Variants in PHF20L1 observed in about 807,000 individuals in gnomAD.
The protein encoded by PHF20L1 is PHD finger protein 20-like protein 1.
In PHF20L1, 44 loss-of-function variants were observed where a neutral mutation model predicts 125.5. The ratio of observed to expected loss-of-function variants is 0.35; its 90% CI spans 0.28 to 0.45. PHF20L1 has a LOEUF of 0.45. PHF20L1 is among the 20% of genes least tolerant of loss of function. The pLI is 1.00. For missense variants in PHF20L1, 1,012 were observed against 1,217.2 expected (o/e 0.83, Z 2.51); for synonymous variants, 380 against 403.1 (o/e 0.94, Z 0.69).
chr8:132,818,496 T>C (rs1240879876), intron 12 of PHF20L1: 1 of 151,928 alleles, frequency 6.6e-6, no homozygotes, highest in African/African-American at 2.4e-5. Context: ...AATAAAATGA[T>C]TGAAGTAACA....
intron 8 of PHF20L1, chr8:132,806,290 G>T (rs1833693773): frequency 6.6e-6 from 1 of 151,936 alleles, no homozygotes; most frequent in South Asian, 2.1e-4. Context: ...CAAAAACTCT[G>T]CTGAGCCCAC....
intron 4 of PHF20L1, among the ~76,000 whole-genome samples, chr8:132,797,108 G>A (rs1427937493): frequency 2.0e-5 from 3 of 151,844 alleles, no homozygotes; most frequent in East Asian, 1.9e-4. Context: ...GTGATCCCTG[G>A]CATTTCCAGA....
At chr8:132,784,663 G>A (rs754667012) in intron 2 of PHF20L1, among the ~76,000 whole-genome samples, 2 of 152,154 alleles carry the variant, frequency 1.3e-5, no homozygotes, top group African/African-American at 4.8e-5. Flanking sequence ...AAATATAGAG[G>A]TTTGAGCTAT....
chr8:132,823,990 C>T lies in PHF20L1; in HGVS notation c.1580-14C>T. The stretch of plus-strand genomic sequence containing the variant: ...TTTCTGATTAAACTTACATATTTTT[C>T]CCCTAACCCACAGGAATATCGAAAA... On this transcript the variant is annotated splice_polypyrimidine_tract_variant and intron_variant, in intron 12 of 20. Coordinates refer to ENST00000395386, the MANE Select transcript of PHF20L1 (RefSeq NM_016018.5). 1 of 1,531,332 alleles carries T rather than the reference C, an allele frequency of 6.5e-7. No homozygotes were observed. Among genetic ancestry groups the T allele is most frequent in the Non-Finnish European group, 9.0e-7 (1 of 1,115,492 alleles). The allele number at this position is 1,531,332 out of a possible 1,614,324, so 94.9% of individuals were successfully genotyped here.
intron 18 of PHF20L1, among the ~76,000 whole-genome samples, chr8:132,840,279 C>A (rs1230365433): frequency 6.6e-6 from 1 of 152,098 alleles, no homozygotes; most frequent in East Asian, 1.9e-4. Context: ...CCTTCCCTTC[C>A]CATCCTTGTG....
At chr8:132,831,085 C>A (rs979018143) in intron 14 of PHF20L1, among the ~76,000 whole-genome samples, 3 of 152,058 alleles carry the variant, frequency 2.0e-5, no homozygotes, top group Non-Finnish European at 2.9e-5. Flanking sequence ...ACTGTCCCCC[C>A]ACTTCTATGT....
rs529357897 is a variant in PHF20L1 at position 132,828,207 on chromosome 8, A to G, written c.1744+2836A>G. On this transcript the variant is annotated intron_variant, in intron 14 of 20. Transcript: ENST00000395386. ...TTTATTTACCACTCAACATTATTTT[A>G]TATATCCTGCTGGTACTTATGTACC... Among the ~76,000 whole-genome samples, 23 of 152,132 alleles carry G rather than the reference A, an allele frequency of 1.5e-4. No individual in the cohort carries two copies. In the South Asian group the frequency reaches 4.8e-3, roughly 32 times the overall value.
intron 14 of PHF20L1, chr8:132,826,544 G>A (rs1836201076): frequency 6.6e-6 from 1 of 152,010 alleles, no homozygotes; most frequent in African/African-American, 2.4e-5. Flanking sequence ...GAACAAAATG[G>A]TAAGCTAAAA....
In PHF20L1 at chr8:132,813,154, A is replaced by G. The variant is rs1031563405; in HGVS notation, c.931-1483A>G. The G allele has an allele frequency of 4.1e-6, 4 of 966,494 alleles. No individual in the cohort carries two copies. The Admixed American group carries it at 2.5e-4, about 60-fold the overall frequency. 59.9% of individuals were successfully genotyped at this position (966,494 alleles called of 1,614,324 possible). On this transcript the variant is annotated intron_variant, in intron 9 of 20. Transcript: ENST00000395386. ...TGGATGCTGTAGTGATGTCTTTCAC[A>G]TATGTGAAGATGAACAATAAAATTG...
intron 12 of PHF20L1, among the ~76,000 whole-genome samples, chr8:132,822,572 C>A (rs1436150783): frequency 6.6e-6 from 1 of 151,966 alleles, no homozygotes. Context: ...AAGGAAATTG[C>A]ATCAAATTTA....
intron 17 of PHF20L1, 51 bp downstream of exon 17, chr8:132,837,862 C>A (rs1300867076): frequency 1.6e-6 from 2 of 1,250,864 alleles, no homozygotes; most frequent in Non-Finnish European, 2.3e-6. Context: ...ATGTCTCCTC[C>A]AGGATTCCAG....
intron 8 of PHF20L1, chr8:132,807,162 A>G (rs1048367543): frequency 4.6e-5 from 7 of 152,744 alleles, no homozygotes; most frequent in African/African-American, 1.7e-4. Context: ...ATATACATAT[A>G]TCATATATGT....
chr8:132,827,018 C>T (rs1446520322), intron 14 of PHF20L1: 3 of 151,890 alleles, frequency 2.0e-5, no homozygotes, highest in Non-Finnish European at 2.9e-5. Context: ...TTCACATTCT[C>T]GAATTCTAAA....
At chr8:132,810,551 C>A (rs1304580572) in intron 8 of PHF20L1, 1 of 154,314 alleles carries the variant, frequency 6.5e-6, no homozygotes, top group East Asian at 1.9e-4. Context: ...CAACTGGACA[C>A]ACATAAAGCT....
chr8:132,789,181 T>G (rs748839270), intron 2 of PHF20L1, among the ~76,000 whole-genome samples: 3 of 152,200 alleles, frequency 2.0e-5, no homozygotes, highest in Non-Finnish European at 4.4e-5. Context: ...GTATGTTTAC[T>G]GTATAGCTAA....
intron 6 of PHF20L1, among the ~76,000 whole-genome samples, chr8:132,801,464 C>A (rs1440285822): frequency 2.6e-5 from 4 of 151,602 alleles, no homozygotes; most frequent in Non-Finnish European, 4.4e-5. Flanking sequence ...AACACAGTGC[C>A]CTTTTTAATG....
chr8:132,811,182 G>C (rs1206048372), intron 9 of PHF20L1, 54 bp downstream of exon 9: 1 of 1,608,114 alleles, frequency 6.2e-7, no homozygotes, highest in Non-Finnish European at 8.5e-7. Flanking sequence ...AATGATCACG[G>C]AGCTCTAGTA....
At position 132,825,291 on chromosome 8, in the gene PHF20L1, G is replaced by T; in HGVS notation, c.1664G>T (p.Arg555Ile). 6.5e-7 allele frequency: 1 copy of T among 1,535,800 alleles called. No individual in the cohort carries two copies. ...AAGAGAAAAGAAAAAGATAAGGAAAGAAGAGAGAAGAGAGACAAAGATCAC... is the reference window on the plus strand; with the variant it reads ...AAGAGAAAAGAAAAAGATAAGGAAATAAGAGAGAAGAGAGACAAAGATCAC... ...FGKRKEKDKE[R>I]REKRDKDHYR... Residue 555 changes from arginine (R) to isoleucine (I), a missense_variant, in exon 14 of 21, where the codon AGA becomes ATA. Physicochemically the swap from Arg to Ile is moderately conservative, Grantham distance 97. Coordinates refer to ENST00000395386, the MANE Select transcript of PHF20L1 (RefSeq NM_016018.5).
intron 7 of PHF20L1, 54 bp from the exon 8 acceptor site, chr8:132,804,561 T>C: frequency 7.2e-7 from 1 of 1,395,852 alleles, no homozygotes; most frequent in East Asian, 2.3e-5. Flanking sequence ...AAAAATCATG[T>C]GTTTTAATTT....
Sources: gnomAD v4.1 joint callset for allele counts (sites outside exome capture counted in the v4.1 genomes callset) on GRCh38, gnomAD v4.1.1 for gene constraint, MANE v1.5 for transcripts, NCBI Gene and HGNC (gene_info 2026-07-23, HGNC 2026-07-21) for gene names.